The following DUSP22 variants were observed in gnomAD, a reference collection of about 807,000 sequenced individuals.
The protein encoded by DUSP22 is dual specificity protein phosphatase 22.
In DUSP22, 24 loss-of-function variants were observed where a neutral mutation model predicts 24.5. That is an observed-to-expected ratio of 0.98 (90% CI 0.71 to 1.38). DUSP22 has a LOEUF of 1.38. Ranked by LOEUF, DUSP22 falls within the 40% of genes most tolerant of loss-of-function variation. The pLI is 0.00. For synonymous variants in DUSP22, 160 were observed against 106.4 expected (o/e 1.50, Z -3.10); for missense variants, 330 against 269.2 (o/e 1.23, Z -1.58).
At chr6:338,575 A>G (rs1030797111) in intron 4 of DUSP22, among the ~76,000 whole-genome samples, 8 of 152,304 alleles carry the variant, frequency 5.3e-5, no homozygotes, top group Non-Finnish European at 1.2e-4. Flanking sequence ...AAAGCAAAAG[A>G]AGTCTTACCT....
chr6:319,153 T>A (rs1375682339), intron 3 of DUSP22, among the ~76,000 whole-genome samples: 1 of 152,294 alleles, frequency 6.6e-6, no homozygotes, highest in African/African-American at 2.4e-5. Context: ...AAAAAAAAAT[T>A]CTTGAATTTA....
In DUSP22 at chr6:350,931, A is replaced by G; in HGVS notation, c.*1980A>G. The G allele has an allele frequency of 5.0e-6, 8 of 1,605,436 alleles. No individual in the cohort carries two copies. Among genetic ancestry groups the G allele is most frequent in the Middle Eastern group, 1.7e-4 (1 of 6,050 alleles). ...GTTTAGGCTGGTGCTGCCAAAAAGA[A>G]AAGCAACATAGAGTTTAAGTATCCA... On this transcript the variant is annotated 3_prime_UTR_variant, in exon 7 of 7. Coordinates refer to ENST00000419235, the MANE Select transcript of DUSP22 (RefSeq NM_001286555.3).
In DUSP22 at chr6:349,245, G is replaced by A. The variant is rs538987185; in HGVS notation, c.*294G>A. ...TGCACTTGTGTGTGGGTGACTAAGTGGATGCATGTGTGTGCCTGTGTGAGT... is the reference window on the plus strand; with the variant it reads ...TGCACTTGTGTGTGGGTGACTAAGTAGATGCATGTGTGTGCCTGTGTGAGT... On this transcript the variant is annotated 3_prime_UTR_variant, in exon 7 of 7. Coordinates refer to ENST00000419235, the MANE Select transcript of DUSP22 (RefSeq NM_001286555.3). 2.1e-4 allele frequency: 283 copies of A among 1,356,256 alleles called. No individual in the cohort carries two copies. In the East Asian group the frequency reaches 7.5e-3, roughly 36 times the overall value. The allele number at this position is 1,356,256 out of a possible 1,614,324, so 84.0% of individuals were successfully genotyped here. A position where few individuals can be genotyped will look rare whatever the true frequency, so the allele number is the denominator to read the frequency against.
At chr6:340,763 C>T (rs1158904911) in intron 4 of DUSP22, among the ~76,000 whole-genome samples, 10 of 152,418 alleles carry the variant, frequency 6.6e-5, no homozygotes, top group African/African-American at 2.4e-4. Context: ...ATTCAAGGTG[C>T]TCAGCCAGAT....
intron 2 of DUSP22, among the ~76,000 whole-genome samples, chr6:307,661 T>G (rs1226525553): frequency 6.6e-6 from 1 of 152,308 alleles, no homozygotes; most frequent in Non-Finnish European, 1.5e-5. Flanking sequence ...TCCTTACAAC[T>G]TGGCACCAGC....
chr6:310,918 C>G (rs143909732), intron 2 of DUSP22, among the ~76,000 whole-genome samples: 3,082 of 151,452 alleles, frequency 0.02, 2 homozygotes, highest in South Asian at 0.048. Context: ...TAGATTAACA[C>G]TTTTGTTGCC....
At chr6:310,585 G>A (rs1401750933) in intron 2 of DUSP22, among the ~76,000 whole-genome samples, 1 of 152,306 alleles carries the variant, frequency 6.6e-6, no homozygotes, top group Non-Finnish European at 1.5e-5. Flanking sequence ...TATAGATGAT[G>A]TAAACCACAG....
chr6:316,475 G>A (rs1200247354), intron 3 of DUSP22, among the ~76,000 whole-genome samples: 2 of 152,308 alleles, frequency 1.3e-5, no homozygotes, highest in Admixed American at 6.5e-5. Flanking sequence ...CCTTATTTGT[G>A]GGGACGGGTG....
Position 350,654 on chromosome 6 carries a change from A to G in DUSP22, c.*1703A>G. On this transcript the variant is annotated 3_prime_UTR_variant, in exon 7 of 7. Transcript: ENST00000419235. ...TCTACAGCTAAAACAATTTGCCAAT[A>G]AAGTACATGTTTTTCCTAAGCCAAA... 6.6e-7 allele frequency: 1 copy of G among 1,504,680 alleles called. No homozygotes were observed. The highest frequency in any genetic ancestry group is 8.9e-7 in the Non-Finnish European group (1 of 1,127,466). The allele number at this position is 1,504,680 out of a possible 1,614,324, so 93.2% of individuals were successfully genotyped here.
intron 3 of DUSP22, among the ~76,000 whole-genome samples, chr6:322,978 A>G (rs1561664019): frequency 6.6e-6 from 1 of 152,304 alleles, no homozygotes. Flanking sequence ...CTAGTTTACC[A>G]AAGACTGGTT....
chr6:296,973 C>G (rs1253216772), intron 1 of DUSP22, among the ~76,000 whole-genome samples: 1 of 152,308 alleles, frequency 6.6e-6, no homozygotes, highest in Non-Finnish European at 1.5e-5. Context: ...GCTGCCATCC[C>G]TGTCCTTCTC....
rs1222648720 is a variant in DUSP22, at chr6:335,163, TGTAA to T, written c.188+3_188+6del. 6.2e-7 allele frequency: 1 copy of T among 1,613,668 alleles called. No homozygotes were observed. Among genetic ancestry groups the T allele is most frequent in the Non-Finnish European group, 8.5e-7 (1 of 1,179,526 alleles). On this transcript the variant is annotated splice_donor_variant and splice_donor_region_variant and intron_variant, in intron 4 of 6. Transcript: ENST00000419235. LOFTEE classifies it high-confidence loss of function. The stretch of plus-strand genomic sequence containing the variant: ...GCAGCGGATTCACCATCTCAAAACC[TGTAA>T]GTTTCTTATTTCTGTATTATTTGGA...
At chr6:312,531 A>C (rs1264787205) in intron 3 of DUSP22, among the ~76,000 whole-genome samples, 1 of 152,276 alleles carries the variant, frequency 6.6e-6, no homozygotes, top group Admixed American at 6.5e-5. Flanking sequence ...ATTTACCCTA[A>C]TGGACGGTTT....
rs1188841233 is a variant in DUSP22 at position 350,815 on chromosome 6, T to C, written c.*1864T>C. On this transcript the variant is annotated 3_prime_UTR_variant, in exon 7 of 7. Coordinates refer to ENST00000419235, the MANE Select transcript of DUSP22 (RefSeq NM_001286555.3). Reference sequence around the variant, plus strand: ...TATTTGTTGCCAGTAATGTTCTTTCTTCACAGCCGCTCCGGGAATTCTGAA... The same window carrying C: ...TATTTGTTGCCAGTAATGTTCTTTCCTCACAGCCGCTCCGGGAATTCTGAA... 6.2e-7 allele frequency: 1 copy of C among 1,614,164 alleles called. No individual in the cohort carries two copies. Among genetic ancestry groups the C allele is most frequent in the Non-Finnish European group, 8.5e-7 (1 of 1,180,044 alleles).
rs563324553 is a variant in DUSP22, at chr6:304,377, G to A, written c.22-251G>A. Among the ~76,000 whole-genome samples the A allele has an allele frequency of 3.9e-5, 6 of 152,420 alleles. No individual in the cohort carries two copies. The South Asian group carries it at 6.2e-4, about 16-fold the overall frequency. ...ACTTGGACCCTCAGAATGCCCACCA[G>A]CACTGCAGGGCTGCAAATGAGGATG... is the stretch of plus-strand genomic sequence containing the variant. On this transcript the variant is annotated intron_variant, in intron 1 of 6. Coordinates refer to ENST00000419235, the MANE Select transcript of DUSP22 (RefSeq NM_001286555.3).
chr6:333,495 C>G (rs1356086433), intron 3 of DUSP22, among the ~76,000 whole-genome samples: 1 of 152,308 alleles, frequency 6.6e-6, no homozygotes, highest in East Asian at 1.9e-4. Context: ...AGATGTTTTT[C>G]TGACCCCTCA....
At chr6:346,969 C>T (rs1276507727) in intron 5 of DUSP22, among the ~76,000 whole-genome samples, 6 of 152,304 alleles carry the variant, frequency 3.9e-5, no homozygotes, top group African/African-American at 1.4e-4. Context: ...ATGGTGTCTG[C>T]AGTTTCATAC....
chr6:341,848 C>T lies in DUSP22; in HGVS notation c.189-4006C>T, dbSNP rs548652153. ...CCATAACCTCCTCAGCTCCTTCACA[C>T]GCCCACTCGGCTCTCTGGGCACGGA... On this transcript the variant is annotated intron_variant, in intron 4 of 6. Transcript: ENST00000419235. Among the ~76,000 whole-genome samples, 107 of 152,374 alleles carry T rather than the reference C, an allele frequency of 7.0e-4. No individual in the cohort carries two copies. The Middle Eastern group carries it at 0.021, about 29-fold the overall frequency.
intron 5 of DUSP22, among the ~76,000 whole-genome samples, chr6:347,124 C>T (rs1239869543): frequency 3.9e-5 from 6 of 152,422 alleles, no homozygotes; most frequent in South Asian, 4.1e-4. Flanking sequence ...AAGCGGAATT[C>T]TGGAACTCCC....
Sources: gnomAD v4.1 joint callset for allele counts (sites outside exome capture counted in the v4.1 genomes callset) on GRCh38, gnomAD v4.1.1 for gene constraint, MANE v1.5 for transcripts, NCBI Gene and HGNC (gene_info 2026-07-23, HGNC 2026-07-21) for gene names.